TNFRSF19: variants seen among roughly 807,000 people sequenced by gnomAD.
TNFRSF19 encodes tumor necrosis factor receptor superfamily member 19.
TNFRSF19 carries 27 observed loss-of-function variants against 46.4 expected under a neutral mutation model. The observed-to-expected ratio is 0.58, with a 90% CI of 0.43 to 0.80. TNFRSF19 has a LOEUF of 0.80. Among genes scored for constraint, TNFRSF19 ranks in the 30% least tolerant of loss-of-function variants. The pLI, the probability that TNFRSF19 is intolerant of heterozygous loss-of-function variation, is 0.00. For synonymous variants in TNFRSF19, 204 were observed against 205.0 expected (o/e 1.00, Z 0.04); for missense variants, 511 against 530.8 (o/e 0.96, Z 0.37).
intron 3 of TNFRSF19, among the ~76,000 whole-genome samples, chr13:23,613,561 T>A (rs767083985): frequency 4.6e-5 from 7 of 152,350 alleles, no homozygotes; most frequent in Middle Eastern, 3.4e-3. Flanking sequence ...TCTTTTCCTT[T>A]GTTGTGTTTT....
intron 3 of TNFRSF19, among the ~76,000 whole-genome samples, chr13:23,597,879 C>T (rs1160133175): frequency 1.3e-5 from 2 of 152,190 alleles, no homozygotes; most frequent in African/African-American, 4.8e-5. Context: ...TCCAGCAGCA[C>T]ATCAAAAAGC....
At chr13:23,654,513 C>T (rs988472390) in intron 5 of TNFRSF19, among the ~76,000 whole-genome samples, 20 of 152,248 alleles carry the variant, frequency 1.3e-4, no homozygotes, top group African/African-American at 2.9e-4. Flanking sequence ...TGAACTCCTG[C>T]GGAACCAGCT....
rs142090233 is a variant in TNFRSF19 at position 23,628,140 on chromosome 13, C to A, written c.445+1348C>A. 2.3e-3 allele frequency among the ~76,000 whole-genome samples: 357 copies of A among 152,262 alleles called. 1 individual carries two copies. The highest frequency in any genetic ancestry group is 8.3e-3 in the African/African-American group (346 of 41,530). On this transcript the variant is annotated intron_variant, in intron 5 of 9. Transcript: ENST00000248484. ...AGAACACTAGTCCAGAGAGGTGAAT[C>A]CTGTTCTGTTGTTGGCTGCTAAGTC...
chr13:23,571,016 G>A (rs370331499), intron 1 of TNFRSF19, among the ~76,000 whole-genome samples, 168 bp downstream of exon 1: 5 of 152,192 alleles, frequency 3.3e-5, no homozygotes, highest in African/African-American at 1.2e-4. Context: ...GTGTATCAGA[G>A]TAACTATGGA....
intron 3 of TNFRSF19, among the ~76,000 whole-genome samples, chr13:23,596,549 A>C (rs1341926923): frequency 6.6e-6 from 1 of 152,190 alleles, no homozygotes; most frequent in African/African-American, 2.4e-5. Context: ...TGGAAGGGCT[A>C]ACTATCCTAA....
intron 5 of TNFRSF19, among the ~76,000 whole-genome samples, chr13:23,628,552 G>C (rs1043480051): frequency 2.6e-5 from 4 of 152,046 alleles, no homozygotes; most frequent in Admixed American, 6.6e-5. Flanking sequence ...AGTCTTAGGG[G>C]TTTTTTCCCA....
chr13:23,596,411 A>C (rs557914429), intron 3 of TNFRSF19, among the ~76,000 whole-genome samples: 1 of 152,306 alleles, frequency 6.6e-6, no homozygotes, highest in African/African-American at 2.4e-5. Context: ...ATATTTACTA[A>C]GCAAATGGAA....
intron 1 of TNFRSF19, among the ~76,000 whole-genome samples, chr13:23,578,239 A>G (rs945019924): frequency 6.6e-6 from 1 of 152,188 alleles, no homozygotes; most frequent in Non-Finnish European, 1.5e-5. Flanking sequence ...GGGACAGGGA[A>G]GCACACACTT....
At chr13:23,585,831 G>A (rs79097361) in intron 1 of TNFRSF19, among the ~76,000 whole-genome samples, 2,438 of 152,258 alleles carry the variant, frequency 0.016, 63 homozygotes, top group African/African-American at 0.055. Flanking sequence ...ATGTCCTTCC[G>A]TGTAAGGGAC....
intron 5 of TNFRSF19, among the ~76,000 whole-genome samples, chr13:23,640,126 C>T (rs1882943746): frequency 6.6e-6 from 1 of 152,232 alleles, no homozygotes; most frequent in Non-Finnish European, 1.5e-5. Flanking sequence ...GTTTGGCTAC[C>T]TGAGAGGCTC....
intron 1 of TNFRSF19, among the ~76,000 whole-genome samples, chr13:23,578,992 C>T (rs1268501657): frequency 3.3e-5 from 5 of 152,248 alleles, no homozygotes; most frequent in Non-Finnish European, 7.3e-5. Flanking sequence ...CAGACCTGGC[C>T]GCCGTATCCC....
At chr13:23,600,418 A>G (rs896535181) in intron 3 of TNFRSF19, among the ~76,000 whole-genome samples, 6 of 152,194 alleles carry the variant, frequency 3.9e-5, no homozygotes, top group African/African-American at 4.8e-5. Context: ...AAAGTCTGAG[A>G]GTTAAAACTC....
At chr13:23,590,834 AT>A (rs1197303056) in intron 2 of TNFRSF19, among the ~76,000 whole-genome samples, 2 of 152,222 alleles carry the variant, frequency 1.3e-5, no homozygotes, top group Non-Finnish European at 2.9e-5. Flanking sequence ...TGATGATATT[AT>A]TTTGCCTTTA....
At chr13:23,612,867 AT>A (rs1880997929) in intron 3 of TNFRSF19, among the ~76,000 whole-genome samples, 1 of 152,148 alleles carries the variant, frequency 6.6e-6, no homozygotes, top group Non-Finnish European at 1.5e-5. Context: ...AGTCCATTGG[AT>A]TACTTGTACA....
intron 4 of TNFRSF19, among the ~76,000 whole-genome samples, chr13:23,624,716 C>T (rs1881876008): frequency 6.6e-6 from 1 of 151,696 alleles, no homozygotes; most frequent in African/African-American, 2.4e-5. Context: ...ATATAATATA[C>T]TCCCAAAATT....
At chr13:23,644,123 C>G (rs1198384367) in intron 5 of TNFRSF19, among the ~76,000 whole-genome samples, 1 of 152,202 alleles carries the variant, frequency 6.6e-6, no homozygotes, top group Non-Finnish European at 1.5e-5. Flanking sequence ...ACCAAGGGAA[C>G]TTAAAAGAAG....
At chr13:23,631,183 G>T (rs547121808) in intron 5 of TNFRSF19, among the ~76,000 whole-genome samples, 7 of 152,216 alleles carry the variant, frequency 4.6e-5, no homozygotes, top group African/African-American at 1.7e-4. Context: ...AGACGTATTT[G>T]CTCATTAAAG....
At chr13:23,627,954 A>G (rs1416628746) in intron 5 of TNFRSF19, among the ~76,000 whole-genome samples, 1 of 152,268 alleles carries the variant, frequency 6.6e-6, no homozygotes, top group African/African-American at 2.4e-5. Flanking sequence ...TAGAAAACAT[A>G]TATCGATCCT....
intron 2 of TNFRSF19, among the ~76,000 whole-genome samples, chr13:23,591,275 A>AGACC (rs1227941740): frequency 1.3e-5 from 2 of 152,122 alleles, no homozygotes; most frequent in African/African-American, 4.8e-5. Flanking sequence ...CAACATGGTG[A>AGACC]GACCTCATTG....
Sources: gnomAD v4.1 joint callset for allele counts (sites outside exome capture counted in the v4.1 genomes callset) on GRCh38, gnomAD v4.1.1 for gene constraint, MANE v1.5 for transcripts, NCBI Gene and HGNC (gene_info 2026-07-23, HGNC 2026-07-21) for gene names.